The following CHODL variants were observed in gnomAD, a reference collection of about 807,000 sequenced individuals.
The protein encoded by CHODL is transmembrane protein MT75.
CHODL carries 29 observed loss-of-function variants against 34.5 expected under a neutral mutation model. The observed-to-expected ratio is 0.84, with a 90% CI of 0.63 to 1.15. The LOEUF is 1.15. Ranked by LOEUF, CHODL falls within the 50% of genes most tolerant of loss-of-function variation. The pLI is 0.00. For synonymous variants in CHODL, 125 were observed against 116.1 expected (o/e 1.08, Z -0.49); for missense variants, 332 against 332.5 (o/e 1.00, Z 0.01).
chr21:18,127,483 A>G (rs149819914), intron 2 of CHODL, among the ~76,000 whole-genome samples: 3 of 152,226 alleles, frequency 2.0e-5, no homozygotes, highest in African/African-American at 7.2e-5. Flanking sequence ...TGTACCATCA[A>G]TATTTAGAAA....
At chr21:18,015,403 T>A (rs1228994675) in intron 1 of CHODL, among the ~76,000 whole-genome samples, 1 of 152,174 alleles carries the variant, frequency 6.6e-6, no homozygotes, top group Non-Finnish European at 1.5e-5. Context: ...CCATGCTTCC[T>A]ATATAGCTTG....
intron 1 of CHODL, among the ~76,000 whole-genome samples, chr21:18,001,959 G>A (rs1198968992): frequency 1.3e-5 from 2 of 152,064 alleles, no homozygotes; most frequent in Admixed American, 6.6e-5. Flanking sequence ...TCACAGTAAA[G>A]CTATCTGAAT....
chr21:18,013,950 T>C (rs1490621972), intron 1 of CHODL, among the ~76,000 whole-genome samples: 1 of 152,170 alleles, frequency 6.6e-6, no homozygotes, highest in African/African-American at 2.4e-5. Context: ...CTGCTTCTTC[T>C]GATAAGACTG....
chr21:18,082,364 G>A (rs1214756813), intron 2 of CHODL, among the ~76,000 whole-genome samples: 1 of 152,152 alleles, frequency 6.6e-6, no homozygotes, highest in Non-Finnish European at 1.5e-5. Flanking sequence ...CCCAGTCTCA[G>A]GTAGTTCTTT....
chr21:18,250,958 A>G (rs1468046369), intron 1 of CHODL, among the ~76,000 whole-genome samples: 2 of 151,600 alleles, frequency 1.3e-5, no homozygotes, highest in East Asian at 3.8e-4. Context: ...ATATTCATCT[A>G]ATATTAATAA....
chr21:18,154,623 C>T (rs993934630), intron 2 of CHODL, among the ~76,000 whole-genome samples: 6 of 152,072 alleles, frequency 3.9e-5, no homozygotes, highest in South Asian at 2.1e-4. Context: ...TTCCATCTGC[C>T]GTCCTAAATT....
intron 1 of CHODL, among the ~76,000 whole-genome samples, chr21:18,250,943 A>G (rs2074228812): frequency 6.6e-6 from 1 of 151,670 alleles, no homozygotes; most frequent in Non-Finnish European, 1.5e-5. Context: ...AGTGATATAA[A>G]TTCAATATTC....
chr21:18,228,421 A>G (rs144990943), intron 2 of CHODL, among the ~76,000 whole-genome samples: 25 of 152,242 alleles, frequency 1.6e-4, no homozygotes, highest in African/African-American at 5.5e-4. Context: ...AGATGGTTTT[A>G]TCTTAATGGC....
At chr21:17,990,770 G>A (rs2063790979) in intron 1 of CHODL, among the ~76,000 whole-genome samples, 2 of 151,972 alleles carry the variant, frequency 1.3e-5, no homozygotes, top group Admixed American at 1.3e-4. Flanking sequence ...AATCAAATCA[G>A]TAATTAGGAT....
chr21:18,030,991 C>A lies in CHODL; in HGVS notation c.-45+3020C>A, dbSNP rs114771848. On this transcript the variant is annotated intron_variant, in intron 2 of 6. Transcript: ENST00000400127. The stretch of plus-strand genomic sequence containing the variant: ...ATGTTTTATGACTTTGCCAAAGATT[C>A]AACAACTGTTTGAAGCCATAGGGCT... 9.9e-3 allele frequency among the ~76,000 whole-genome samples: 1,507 copies of A among 152,210 alleles called. 25 individuals are homozygous for A. Among genetic ancestry groups the A allele is most frequent in the African/African-American group, 0.034 (1,413 of 41,566 alleles).
At chr21:18,259,555 G>A (rs2074356301) in intron 3 of CHODL, among the ~76,000 whole-genome samples, 1 of 152,106 alleles carries the variant, frequency 6.6e-6, no homozygotes. Context: ...TAAAGTGTGT[G>A]GAAATTGAAG....
chr21:18,095,379 T>C lies in CHODL; in HGVS notation c.-45+67408T>C, dbSNP rs374004196. On this transcript the variant is annotated intron_variant, in intron 2 of 6. Coordinates refer to the CHODL transcript ENST00000400127. ...ATCATTAATGGCTACATTGAGCAACTATATGCCAGTATATTTAAAAAAACT... is the reference window on the plus strand; with the variant it reads ...ATCATTAATGGCTACATTGAGCAACCATATGCCAGTATATTTAAAAAAACT... Among the ~76,000 whole-genome samples, 10 of 152,212 alleles carry C rather than the reference T, an allele frequency of 6.6e-5. No homozygotes were observed. The East Asian group carries it at 1.5e-3, about 24-fold the overall frequency.
chr21:18,096,771 T>A (rs2065144843), intron 2 of CHODL, among the ~76,000 whole-genome samples: 1 of 152,188 alleles, frequency 6.6e-6, no homozygotes, highest in African/African-American at 2.4e-5. Flanking sequence ...TGCCTTGTGA[T>A]CTTTTATTGC....
chr21:18,239,762 T>C (rs1291778879), intron 2 of CHODL, among the ~76,000 whole-genome samples: 2 of 152,066 alleles, frequency 1.3e-5, no homozygotes, highest in Non-Finnish European at 2.9e-5. Flanking sequence ...TATTTTGCTT[T>C]ATTTGGATTT....
Position 18,256,714 on chromosome 21 carries a change from T to C in CHODL, c.285T>C (p.Ser95=), listed in dbSNP as rs760250647. 4 of 1,613,988 alleles carry C rather than the reference T, an allele frequency of 2.5e-6. No individual in the cohort carries two copies. In the African/African-American group the frequency reaches 4.0e-5, roughly 16 times the overall value. ...QNLTKPGTGI[S]DGDFWIGLWR... is the part of the protein sequence containing the mutation. ...TGACAAAACCCGGGACAGGGATTTC[T>C]GATGGTGATTTCTGGATAGGGCTTT... The change falls in exon 2 of 6, where the codon TCT becomes TCC. Residue 95 remains serine, a synonymous_variant. Transcript: ENST00000299295.
chr21:18,229,465 T>C (rs1412762978), intron 2 of CHODL, among the ~76,000 whole-genome samples: 1 of 152,164 alleles, frequency 6.6e-6, no homozygotes, highest in African/African-American at 2.4e-5. Flanking sequence ...CATATTTTTC[T>C]CATGGTAGCA....
At chr21:18,024,967 A>G (rs763562169) in intron 1 of CHODL, among the ~76,000 whole-genome samples, 6 of 152,198 alleles carry the variant, frequency 3.9e-5, no homozygotes, top group African/African-American at 7.2e-5. Context: ...CTGTGACTAT[A>G]TCTTGGGACT....
intron 2 of CHODL, among the ~76,000 whole-genome samples, chr21:18,128,472 A>T (rs1035189169): frequency 1.3e-5 from 2 of 152,072 alleles, no homozygotes; most frequent in African/African-American, 4.8e-5. Context: ...GACAAAAATG[A>T]CTCATTCCAT....
intron 2 of CHODL, among the ~76,000 whole-genome samples, chr21:18,111,793 C>A (rs1491782): frequency 6.6e-6 from 1 of 151,928 alleles, no homozygotes; most frequent in Middle Eastern, 3.2e-3. Context: ...CCATTGCTAC[C>A]AATATATCTT....
Sources: allele counts gnomAD v4.1 joint callset (sites outside exome capture counted in the v4.1 genomes callset), GRCh38; gene constraint gnomAD v4.1.1; transcripts MANE v1.5; gene names NCBI Gene and HGNC (gene_info 2026-07-23, HGNC 2026-07-21).